Variants in PIP4K2B observed in about 807,000 individuals in gnomAD.
The protein encoded by PIP4K2B is phosphatidylinositol-5-phosphate 4-kinase type 2 beta, also known as phosphatidylinositol 5-phosphate 4-kinase type-2 beta.
A neutral mutation model predicts 42.0 loss-of-function variants in PIP4K2B; 3 were observed. The observed-to-expected ratio is 0.07, with a 90% CI of 0.03 to 0.18. The LOEUF (loss-of-function observed/expected upper bound fraction) is 0.18, where lower values mean the gene tolerates loss of function less well. Ranked by LOEUF, PIP4K2B falls within the 10% of genes least tolerant of loss-of-function variation. PIP4K2B has a pLI of 1.00. For synonymous variants in PIP4K2B, 204 were observed against 210.1 expected, an observed-to-expected ratio of 0.97 and a Z score of 0.25; for missense variants, 332 against 562.3, an observed-to-expected ratio of 0.59 and a Z score of 4.14.
intron 1 of PIP4K2B, chr17:38,792,738 G>C (rs1910405356): frequency 6.6e-6 from 1 of 152,188 alleles, no homozygotes; most frequent in Non-Finnish European, 1.5e-5. Flanking sequence ...GACCGAGGAG[G>C]TCCAAAGCAA....
chr17:38,780,106 C>G (rs997548214), intron 4 of PIP4K2B, among the ~76,000 whole-genome samples: 5 of 144,938 alleles, frequency 3.4e-5, no homozygotes, highest in Non-Finnish European at 6.2e-5. Flanking sequence ...GGGCTCCCTG[C>G]CTTCCTCATG....
At chr17:38,780,705 C>T (rs1433489380) in intron 3 of PIP4K2B, 101 bp from the exon 4 acceptor site, 1 of 1,183,150 alleles carries the variant, frequency 8.5e-7, no homozygotes, top group South Asian at 1.4e-5. Flanking sequence ...AAGCCAACAA[C>T]ACTGAGATAG....
At chr17:38,786,191 G>T (rs921308088) in intron 2 of PIP4K2B, among the ~76,000 whole-genome samples, 2 of 152,176 alleles carry the variant, frequency 1.3e-5, no homozygotes, top group African/African-American at 4.8e-5. Context: ...GCAGCAAATA[G>T]TCCTGGGGTG....
At chr17:38,798,882 G>A (rs966036529) in intron 1 of PIP4K2B, among the ~76,000 whole-genome samples, 1 of 151,972 alleles carries the variant, frequency 6.6e-6, no homozygotes, top group Non-Finnish European at 1.5e-5. Context: ...GCAGCCGGCT[G>A]TAAGGAACAA....
chr17:38,789,212 T>C (rs1240612545), intron 1 of PIP4K2B, among the ~76,000 whole-genome samples: 1 of 152,238 alleles, frequency 6.6e-6, no homozygotes, highest in African/African-American at 2.4e-5. Context: ...GCCTTGCCTC[T>C]ACTGCAAACA....
intron 1 of PIP4K2B, among the ~76,000 whole-genome samples, chr17:38,790,322 G>A (rs75252326): frequency 0.027 from 4,089 of 152,244 alleles, 53 homozygotes; most frequent in African/African-American, 0.033. Context: ...AATTCGTGGT[G>A]GCTGTCCCAT....
intron 1 of PIP4K2B, among the ~76,000 whole-genome samples, chr17:38,788,452 G>A (rs1017307016): frequency 4.6e-5 from 7 of 151,820 alleles, no homozygotes; most frequent in Non-Finnish European, 1.0e-4. Context: ...CACCCACCTC[G>A]GCCTCCCAAA....
intron 2 of PIP4K2B, among the ~76,000 whole-genome samples, chr17:38,785,219 G>A (rs1909939441): frequency 6.6e-6 from 1 of 152,188 alleles, no homozygotes; most frequent in Non-Finnish European, 1.5e-5. Context: ...CTTTACAACA[G>A]CTATCCTGTT....
Position 38,785,671 on chromosome 17 carries a change from CTG to C in PIP4K2B, c.257+1150_257+1151del, listed in dbSNP as rs1909969669. Among the ~76,000 whole-genome samples the C allele has an allele frequency of 3.3e-5, 5 of 152,266 alleles. No homozygotes were observed. The South Asian group carries it at 1.0e-3, about 32-fold the overall frequency. On this transcript the variant is annotated intron_variant, in intron 2 of 9. Coordinates refer to ENST00000619039, the MANE Select transcript of PIP4K2B (RefSeq NM_003559.5). ...TACAGCCTGGGCAACAAGAGTGAAA[CTG>C]TCTCAAAACAACACCAATAACAACA... is the stretch of plus-strand genomic sequence containing the variant.
At chr17:38,793,484 T>A (rs1044719923) in intron 1 of PIP4K2B, among the ~76,000 whole-genome samples, 1 of 152,088 alleles carries the variant, frequency 6.6e-6, no homozygotes, top group African/African-American at 2.4e-5. Context: ...CCTCAGGTGA[T>A]CCGCCCACCT....
chr17:38,797,487 C>A (rs1477887771), intron 1 of PIP4K2B, among the ~76,000 whole-genome samples: 1 of 152,222 alleles, frequency 6.6e-6, no homozygotes, highest in African/African-American at 2.4e-5. Flanking sequence ...TCAGGCACCA[C>A]CCTTGGCCGA....
intron 3 of PIP4K2B, among the ~76,000 whole-genome samples, chr17:38,781,355 G>A (rs749839077): frequency 6.6e-6 from 1 of 151,966 alleles, no homozygotes; most frequent in Non-Finnish European, 1.5e-5. Flanking sequence ...GAAGGCGTGA[G>A]TCAACCAAAG....
chr17:38,773,841 C>T (rs887941418), intron 7 of PIP4K2B, among the ~76,000 whole-genome samples: 1 of 152,190 alleles, frequency 6.6e-6, no homozygotes, highest in Non-Finnish European at 1.5e-5. Flanking sequence ...AAGGTCCATG[C>T]ACCATGCCCT....
At chr17:38,786,753 G>A in intron 2 of PIP4K2B, 70 bp downstream of exon 2, 1 of 974,576 alleles carries the variant, frequency 1.0e-6, no homozygotes, top group Non-Finnish European at 1.7e-6. Flanking sequence ...CATGCATGAG[G>A]CTTCAGAAGC....
At position 38,777,720 on chromosome 17, in the gene PIP4K2B, C is replaced by T. The variant is rs774269560; in HGVS notation, c.774G>A (p.Lys258=). 1.2e-6 allele frequency: 2 copies of T among 1,613,970 alleles called. No individual in the cohort carries two copies. Among genetic ancestry groups the T allele is most frequent in the South Asian group, 2.2e-5 (2 of 91,076 alleles). ...QKLHVGEESK[K]NFLEKLKRDV... Reference sequence around the variant, plus strand: ...CCCGCTTCAGTTTCTCCAGGAAGTTCTTTTTACTCTCCTCTCCCACATGCA... The same window carrying T: ...CCCGCTTCAGTTTCTCCAGGAAGTTTTTTTTACTCTCCTCTCCCACATGCA... The change falls in exon 7 of 10, where the codon AAG becomes AAA. Residue 258 remains lysine, a synonymous_variant. Transcript: ENST00000619039.
At chr17:38,776,316 G>A (rs755477461) in intron 7 of PIP4K2B, among the ~76,000 whole-genome samples, 304 of 152,262 alleles carry the variant, frequency 2.0e-3, no homozygotes, top group Admixed American at 3.7e-3. Flanking sequence ...AACTTCATAG[G>A]GGCAGAAAAT....
intron 3 of PIP4K2B, among the ~76,000 whole-genome samples, chr17:38,782,112 A>G (rs1909749397): frequency 6.6e-6 from 1 of 152,338 alleles, no homozygotes; most frequent in South Asian, 2.1e-4. Flanking sequence ...CAAAGGTGCT[A>G]AAGTAGCACC....
rs748029329 is a variant in PIP4K2B, at chr17:38,777,835, T to C, written c.694-35A>G. The C allele has an allele frequency of 3.5e-6, 5 of 1,447,846 alleles. No individual in the cohort carries two copies. In the South Asian group the frequency reaches 5.7e-5, roughly 16 times the overall value. The allele number at this position is 1,447,846 out of a possible 1,614,324, so 89.7% of individuals were successfully genotyped here. A position where few individuals can be genotyped will look rare whatever the true frequency, so the allele number is the denominator to read the frequency against. ...CAACAGCAGTTAGGCTGGGTAAGCCTGATTAATTCACCCCAGGGACACCCA... is the reference window on the plus strand; with the variant it reads ...CAACAGCAGTTAGGCTGGGTAAGCCCGATTAATTCACCCCAGGGACACCCA... On this transcript the variant is annotated intron_variant, in intron 6 of 9. Coordinates refer to ENST00000619039, the MANE Select transcript of PIP4K2B (RefSeq NM_003559.5).
intron 2 of PIP4K2B, 124 bp downstream of exon 2, chr17:38,786,699 A>G: frequency 2.8e-6 from 2 of 724,768 alleles, no homozygotes; most frequent in Admixed American, 2.0e-5. Flanking sequence ...TCTGAGATCC[A>G]GGTGCTGCTG....
Sources: allele counts gnomAD v4.1 joint callset (sites outside exome capture counted in the v4.1 genomes callset), GRCh38; gene constraint gnomAD v4.1.1; transcripts MANE v1.5; gene names NCBI Gene and HGNC (gene_info 2026-07-23, HGNC 2026-07-21).